STEAP4: variants seen among roughly 807,000 people sequenced by gnomAD.
The protein encoded by STEAP4 is metalloreductase STEAP4.
In STEAP4, 36 loss-of-function variants were observed where a neutral mutation model predicts 43.6. The ratio of observed to expected loss-of-function variants is 0.83; its 90% CI spans 0.63 to 1.09. STEAP4 has a LOEUF of 1.09. Among genes scored for constraint, STEAP4 ranks in the 50% least tolerant of loss-of-function variants. The pLI is 0.00. For synonymous variants in STEAP4, 191 were observed against 196.7 expected, an observed-to-expected ratio of 0.97 and a Z score of 0.24; for missense variants, 495 against 546.5, an observed-to-expected ratio of 0.91 and a Z score of 0.94.
chr7:88,302,600 T>G (rs898635616), intron 1 of STEAP4, among the ~76,000 whole-genome samples: 4 of 152,172 alleles, frequency 2.6e-5, no homozygotes, highest in Non-Finnish European at 2.9e-5. Context: ...CGCTCCACAG[T>G]GCTGGTGCCA....
In STEAP4 at chr7:88,283,141, C is replaced by A; in HGVS notation, c.484G>T (p.Ala162Ser). The change falls in exon 3 of 5, where the codon GCC becomes TCC. Residue 162 changes from alanine (A) to serine (S), a missense_variant. Transcript: ENST00000380079. ...ACAATATCCATCACTCTTTGCTTGG[C>A]TTTGCTGTCATTTCCACACACAAAC... ...QVFVCGNDSK[A>S]KQRVMDIVRN... is the part of the protein sequence containing the mutation. 1.3e-6 allele frequency: 2 copies of A among 1,559,648 alleles called. No homozygotes were observed. Among genetic ancestry groups the A allele is most frequent in the South Asian group, 1.2e-5 (1 of 81,128 alleles).
rs2115936611 is a variant in STEAP4 at position 88,277,291 on chromosome 7, T to C, written c.*2107A>G. 1 of 152,340 alleles carries C rather than the reference T, an allele frequency of 6.6e-6. No homozygotes were observed. Among genetic ancestry groups the C allele is most frequent in the African/African-American group, 2.4e-5 (1 of 41,586 alleles). The allele number at this position is 152,340 out of a possible 1,614,324, so 9.4% of individuals were successfully genotyped here. ...TTGCTTGGGTTTATCAAAGATAAGT[T>C]GAAGGAGCGTGTGTTCTGTGTACCT... is the stretch of plus-strand genomic sequence containing the variant. On this transcript the variant is annotated 3_prime_UTR_variant, in exon 5 of 5. Transcript: ENST00000380079.
intron 1 of STEAP4, among the ~76,000 whole-genome samples, chr7:88,285,724 T>C (rs1390574884): frequency 7.9e-6 from 1 of 126,326 alleles, no homozygotes; most frequent in Non-Finnish European, 1.6e-5. Flanking sequence ...GCCACAGCAC[T>C]CCAGCCTGGG....
intron 1 of STEAP4, among the ~76,000 whole-genome samples, chr7:88,297,024 T>G (rs1051671849): frequency 2.0e-5 from 3 of 152,200 alleles, no homozygotes; most frequent in Non-Finnish European, 4.4e-5. Flanking sequence ...AGCTTTGTAG[T>G]TAGAAGTAGT....
intron 1 of STEAP4, among the ~76,000 whole-genome samples, chr7:88,304,983 A>C (rs1413629885): frequency 5.3e-5 from 8 of 152,204 alleles, no homozygotes; most frequent in Non-Finnish European, 1.0e-4. Flanking sequence ...TATTTTTCTT[A>C]AAATTGTTCA....
Position 88,284,081 on chromosome 7 carries a change from T to G in STEAP4, c.189A>C (p.Glu63Asp). The G allele has an allele frequency of 1.2e-6, 2 of 1,614,164 alleles. No homozygotes were observed. Among genetic ancestry groups the G allele is most frequent in the Non-Finnish European group, 1.7e-6 (2 of 1,180,022 alleles). The change falls in exon 2 of 5, where the codon GAA becomes GAC. Residue 63 changes from glutamate to aspartate, a missense_variant. Coordinates refer to ENST00000380079, the MANE Select transcript of STEAP4 (RefSeq NM_024636.4). ...TGGCTGCTTCTGAATAGCTCAAGACTTCTGCACCACTGGGCAGTAGGGTGG... is the reference window on the plus strand; with the variant it reads ...TGGCTGCTTCTGAATAGCTCAAGACGTCTGCACCACTGGGCAGTAGGGTGG... The part of the protein sequence containing the change: ...QKTTLLPSGA[E>D]VLSYSEAAKK...
intron 1 of STEAP4, among the ~76,000 whole-genome samples, chr7:88,301,906 C>T (rs1586755203): frequency 6.6e-6 from 1 of 152,094 alleles, no homozygotes; most frequent in African/African-American, 2.4e-5. Context: ...AATTAGAATA[C>T]AAAATATTAC....
rs1160079360 is a variant in STEAP4 at position 88,275,545 on chromosome 7, T to C, written c.*3853A>G. On this transcript the variant is annotated 3_prime_UTR_variant, in exon 5 of 5. Transcript: ENST00000380079. ...GGATTTTTCTAGAATGTAAACCTAATTCATTATAGAAAATTGAAGTAGGAC... is the reference window on the plus strand; with the variant it reads ...GGATTTTTCTAGAATGTAAACCTAACTCATTATAGAAAATTGAAGTAGGAC... The C allele has an allele frequency of 6.6e-6, 1 of 152,182 alleles. No individual in the cohort carries two copies. The highest frequency in any genetic ancestry group is 1.9e-4 in the East Asian group (1 of 5,170). The allele number at this position is 152,182 out of a possible 1,614,324, so 9.4% of individuals were successfully genotyped here.
Position 88,276,843 on chromosome 7 carries a change from TA to T in STEAP4, c.*2554del. On this transcript the variant is annotated 3_prime_UTR_variant, in exon 5 of 5. Coordinates refer to ENST00000380079, the MANE Select transcript of STEAP4 (RefSeq NM_024636.4). ...AGGTCAGGTCTGGAAATGCAGCTATTATGCCAAAACCATCAGAGTGCTCTTT... is the reference window on the plus strand; with the variant it reads ...AGGTCAGGTCTGGAAATGCAGCTATTTGCCAAAACCATCAGAGTGCTCTTT... 6.6e-6 allele frequency: 1 copy of T among 152,670 alleles called. No homozygotes were observed. Among genetic ancestry groups the T allele is most frequent in the East Asian group, 1.9e-4 (1 of 5,192 alleles). 9.5% of individuals were successfully genotyped at this position (152,670 alleles called of 1,614,324 possible).
At chr7:88,297,716 G>C (rs1402234807) in intron 1 of STEAP4, among the ~76,000 whole-genome samples, 1 of 152,070 alleles carries the variant, frequency 6.6e-6, no homozygotes, top group Non-Finnish European at 1.5e-5. Flanking sequence ...TTTCCAGGCA[G>C]GGGGGAAAGT....
At chr7:88,304,971 CTTAT>C (rs1410957219) in intron 1 of STEAP4, among the ~76,000 whole-genome samples, 2 of 152,126 alleles carry the variant, frequency 1.3e-5, no homozygotes, top group African/African-American at 4.8e-5. Context: ...AACAAATGAC[CTTAT>C]TTTTCTTAAA....
intron 1 of STEAP4, among the ~76,000 whole-genome samples, chr7:88,302,105 G>GC (rs1853045827): frequency 1.3e-5 from 2 of 152,150 alleles, no homozygotes; most frequent in Non-Finnish European, 2.9e-5. Flanking sequence ...GTTAAAATGT[G>GC]GACTTTGCCA....
Position 88,283,964 on chromosome 7 carries a change from T to C in STEAP4, c.306A>G (p.Val102=). ...LTEVLNGKIL[V]DISNNLKINQ... is the part of the protein sequence containing the mutation. ...TGATTTTGAGGTTGTTGCTGATGTC[T>C]ACCAATATTTTTCCATTGAGAACCT... Residue 102 remains valine, a synonymous_variant, in exon 2 of 5, where the codon GTA becomes GTG. Coordinates refer to ENST00000380079, the MANE Select transcript of STEAP4 (RefSeq NM_024636.4). The C allele has an allele frequency of 6.8e-6, 11 of 1,614,132 alleles. No homozygotes were observed. The highest frequency in any genetic ancestry group is 9.3e-6 in the Non-Finnish European group (11 of 1,180,026).
At chr7:88,283,342 G>T in intron 2 of STEAP4, 174 bp from the exon 3 acceptor site, 1 of 688,150 alleles carries the variant, frequency 1.5e-6, no homozygotes, top group Non-Finnish European at 2.2e-6. Flanking sequence ...TGTATGTGGT[G>T]TCTTAGATAG....
At chr7:88,279,913 G>A (rs1852589121) in intron 4 of STEAP4, among the ~76,000 whole-genome samples, 1 of 152,188 alleles carries the variant, frequency 6.6e-6, no homozygotes, top group African/African-American at 2.4e-5. Flanking sequence ...AATAAATAAT[G>A]TAGCTTGTCT....
At chr7:88,296,113 G>C (rs1852919141) in intron 1 of STEAP4, among the ~76,000 whole-genome samples, 1 of 152,128 alleles carries the variant, frequency 6.6e-6, no homozygotes, top group Non-Finnish European at 1.5e-5. Context: ...TCTTCCAAGA[G>C]CCATGAAATT....
chr7:88,302,380 G>A (rs984546314), intron 1 of STEAP4, among the ~76,000 whole-genome samples: 2 of 152,342 alleles, frequency 1.3e-5, no homozygotes, highest in Admixed American at 1.3e-4. Context: ...CAGAGCAGAC[G>A]AATGTGTAGA....
chr7:88,286,998 C>T (rs528376965), intron 1 of STEAP4, among the ~76,000 whole-genome samples: 1 of 152,092 alleles, frequency 6.6e-6, no homozygotes, highest in East Asian at 1.9e-4. Flanking sequence ...CAGGCAGATA[C>T]CTTGTGATAG....
chr7:88,280,776 G>A (rs748141994), intron 4 of STEAP4, 139 bp downstream of exon 4: 6 of 826,230 alleles, frequency 7.3e-6, no homozygotes, highest in East Asian at 2.8e-5. Context: ...GAATCTTGGC[G>A]AGTATTAAGA....
Sources: allele counts gnomAD v4.1 joint callset (sites outside exome capture counted in the v4.1 genomes callset), GRCh38; gene constraint gnomAD v4.1.1; transcripts MANE v1.5; gene names NCBI Gene and HGNC (gene_info 2026-07-23, HGNC 2026-07-21).